NASP: variants seen among roughly 807,000 people sequenced by gnomAD.
The protein encoded by NASP is nuclear autoantigenic sperm protein, also known as NASP histone chaperone.
NASP carries 24 observed loss-of-function variants against 89.5 expected under a neutral mutation model. The observed-to-expected ratio is 0.27, with a 90% confidence interval of 0.19 to 0.38. The LOEUF (loss-of-function observed/expected upper bound fraction) is 0.38. NASP is among the 10% of genes least tolerant of loss of function. The probability of loss-of-function intolerance (pLI) is 1.00; values close to 1 mark genes in which losing one functional copy is unlikely to be tolerated. For missense variants in NASP, 848 were observed against 921.4 expected, an observed-to-expected ratio of 0.92 and a Z score of 1.03; for synonymous variants, 306 against 324.7, an observed-to-expected ratio of 0.94 and a Z score of 0.62.
intron 3 of NASP, among the ~76,000 whole-genome samples, chr1:45,603,709 A>G (rs920690444): frequency 6.8e-6 from 1 of 146,398 alleles, no homozygotes; most frequent in African/African-American, 2.5e-5. Context: ...TCCCTGGTTC[A>G]AGTGATTCTC....
Position 45,615,365 on chromosome 1 carries a change from T to C in NASP, c.1916T>C (p.Ile639Thr), listed in dbSNP as rs546656039. 3.1e-6 allele frequency: 5 copies of C among 1,614,036 alleles called. No homozygotes were observed. In the South Asian group the frequency reaches 4.4e-5, roughly 14 times the overall value. The change falls in exon 11 of 15, where the codon ATT (isoleucine) becomes ACT (threonine). Residue 639 changes from isoleucine to threonine, a missense_variant. Coordinates refer to ENST00000350030, the MANE Select transcript of NASP (RefSeq NM_002482.4). Reference protein sequence around the residue: ...EGSSAEYKKEIEELKELLPEI... With the variant: ...EGSSAEYKKETEELKELLPEI... ...TCGTCTGCTGAATACAAGAAAGAAA[T>C]TGAGGAACTAAAGGAACTGCTACCC...
In NASP at chr1:45,617,452, T is replaced by C. The variant is rs949043657; in HGVS notation, c.2158-11T>C. The C allele has an allele frequency of 6.2e-7, 1 of 1,609,920 alleles. No homozygotes were observed. Among genetic ancestry groups the C allele is most frequent in the Non-Finnish European group, 8.5e-7 (1 of 1,178,920 alleles). Reference sequence around the variant, plus strand: ...AGCACATTTGTGAAGCCTTCACAATTATATCTTTAGAGGAAACCAGAGGAA... The same window carrying C: ...AGCACATTTGTGAAGCCTTCACAATCATATCTTTAGAGGAAACCAGAGGAA... On this transcript the variant is annotated splice_polypyrimidine_tract_variant and intron_variant, in intron 13 of 14. Transcript: ENST00000350030.
chr1:45,589,513 C>T (rs993119842), intron 1 of NASP, among the ~76,000 whole-genome samples: 4 of 152,152 alleles, frequency 2.6e-5, no homozygotes, highest in Non-Finnish European at 5.9e-5. Context: ...GATTCATGCT[C>T]ATTCTAAAAA....
At chr1:45,600,383 A>G (rs1260292711) in intron 2 of NASP, 3 of 1,283,220 alleles carry the variant, frequency 2.3e-6, no homozygotes, top group Non-Finnish European at 3.1e-6. Flanking sequence ...TTCCCTCCCC[A>G]GCAACCATTA....
At chr1:45,590,753 CTG>C (rs1643527294) in intron 1 of NASP, among the ~76,000 whole-genome samples, 1 of 135,346 alleles carries the variant, frequency 7.4e-6, no homozygotes, top group Non-Finnish European at 1.5e-5. Flanking sequence ...TTAAAAAAAC[CTG>C]TGTGTTATAG....
chr1:45,585,302 C>A (rs1295509898), intron 1 of NASP, among the ~76,000 whole-genome samples: 2 of 151,998 alleles, frequency 1.3e-5, no homozygotes, highest in Non-Finnish European at 2.9e-5. Flanking sequence ...TAGTTGCCTT[C>A]CCTGTAAAAG....
intron 1 of NASP, chr1:45,588,628 A>G (rs553402623): frequency 1.1e-4 from 48 of 454,378 alleles, no homozygotes; most frequent in South Asian, 7.1e-4. Flanking sequence ...CTTTCTAAGT[A>G]TAGTTTTTTT....
At chr1:45,604,282 C>G (rs72883656) in intron 3 of NASP, among the ~76,000 whole-genome samples, 3 of 152,180 alleles carry the variant, frequency 2.0e-5, no homozygotes, top group Admixed American at 1.3e-4. Flanking sequence ...ATTATACTTA[C>G]GTAATTTTTG....
rs770635197 is a variant in NASP at position 45,608,182 on chromosome 1, A to T, written c.1271A>T (p.Glu424Val). The T allele has an allele frequency of 6.2e-7, 1 of 1,614,042 alleles. No homozygotes were observed. The change falls in exon 6 of 15, where the codon GAG (glutamate) becomes GTG (valine). Residue 424 changes from glutamate to valine, a missense_variant. Glu to Val is a moderately radical substitution (Grantham distance 121). Around this residue, in one of 5 missense-constraint regions of NASP, gnomAD observed 464 missense variants for 469.4 expected, o/e 0.99. Coordinates refer to ENST00000350030, the MANE Select transcript of NASP (RefSeq NM_002482.4). ...VRAKLVPSQE[E>V]TKLSVEESEA... ...GCAAAGCTGGTTCCTAGTCAGGAGG[A>T]GACTAAGCTGTCTGTAGAAGAGTCT... is the stretch of plus-strand genomic sequence containing the variant.
At chr1:45,616,437 G>T (rs1030825250) in intron 12 of NASP, 44 bp downstream of exon 12, 8 of 1,595,614 alleles carry the variant, frequency 5.0e-6, no homozygotes, top group Non-Finnish European at 6.9e-6. Flanking sequence ...TTAAGTCTCA[G>T]TGTTGGCTCA....
At position 45,607,676 on chromosome 1, in the gene NASP, A is replaced by G. The variant is rs376920709; in HGVS notation, c.765A>G (p.Arg255=). The change falls in exon 6 of 15, where the codon AGA becomes AGG. Residue 255 remains arginine, a synonymous_variant. Coordinates refer to ENST00000350030, the MANE Select transcript of NASP (RefSeq NM_002482.4). The stretch of plus-strand genomic sequence containing the variant: ...GAACTGATGTCCAAGAAGAGTGCAG[A>G]GAAAAAGGAGGTCAGGAGAAGCAGG... ...VSGTDVQEEC[R]EKGGQEKQGE... 9 of 1,614,100 alleles carry G rather than the reference A, an allele frequency of 5.6e-6. No homozygotes were observed. Among genetic ancestry groups the G allele is most frequent in the Non-Finnish European group, 7.6e-6 (9 of 1,180,044 alleles).
In NASP at chr1:45,606,488, G is replaced by GAAT; in HGVS notation, c.307_309dup (p.Asn103dup). The GAAT allele has an allele frequency of 6.2e-7, 1 of 1,612,758 alleles. No homozygotes were observed. Among genetic ancestry groups the GAAT allele is most frequent in the Non-Finnish European group, 8.5e-7 (1 of 1,178,768 alleles). ...CTTTCTTTTGTTCTCCTAGAATGGA[G>GAAT]AATGGTGTGTTGGGAAACGCCTTGG... is the stretch of plus-strand genomic sequence containing the variant. On this transcript the variant is annotated inframe_insertion, in exon 5 of 15. Coordinates refer to ENST00000350030, the MANE Select transcript of NASP (RefSeq NM_002482.4).
chr1:45,607,458 A>G lies in NASP; in HGVS notation c.547A>G (p.Arg183Gly), dbSNP rs757126955. 1 of 1,613,828 alleles carries G rather than the reference A, an allele frequency of 6.2e-7. No individual in the cohort carries two copies. The change falls in exon 6 of 15, where the codon AGA (arginine) becomes GGA (glycine). Residue 183 changes from arginine (R) to glycine (G), a missense_variant. Transcript: ENST00000350030. ...EQDSEMEKGG[R>G]EDMDISKSAE... is the part of the protein sequence containing the mutation. Reference sequence around the variant, plus strand: ...GGACAGTGAAATGGAGAAGGGTGGAAGAGAAGATATGGATATAAGTAAATC... The same window carrying G: ...GGACAGTGAAATGGAGAAGGGTGGAGGAGAAGATATGGATATAAGTAAATC...
rs138081553 is a variant in NASP, at chr1:45,606,539, A to T, written c.357A>T (p.Glu119Asp). The change falls in exon 5 of 15, where the codon GAA (glutamate) becomes GAT (aspartate). Residue 119 changes from glutamate to aspartate, a missense_variant. Coordinates refer to ENST00000350030, the MANE Select transcript of NASP (RefSeq NM_002482.4). The part of the protein sequence containing the change: ...ALEGVHVEEE[E>D]GEKTEDESLV... ...AAGGTGTGCATGTGGAAGAGGAAGAAGGAGAAAAAACAGAAGATGAATCTC... is the reference window on the plus strand; with the variant it reads ...AAGGTGTGCATGTGGAAGAGGAAGATGGAGAAAAAACAGAAGATGAATCTC... 1.2e-6 allele frequency: 2 copies of T among 1,613,820 alleles called. No individual in the cohort carries two copies. Among genetic ancestry groups the T allele is most frequent in the Non-Finnish European group, 8.5e-7 (1 of 1,179,812 alleles).
At chr1:45,600,572 A>G in intron 2 of NASP, 1 of 649,428 alleles carries the variant, frequency 1.5e-6, no homozygotes, top group Non-Finnish European at 2.0e-6. Flanking sequence ...ATGACATTTT[A>G]TGATGTAGAT....
intron 1 of NASP, among the ~76,000 whole-genome samples, chr1:45,584,652 A>G (rs1387626895): frequency 1.2e-5 from 1 of 82,400 alleles, no homozygotes; most frequent in Non-Finnish European, 2.3e-5. Flanking sequence ...ACCTTGCACG[A>G]GGAAGGAGGC....
intron 2 of NASP, chr1:45,600,416 T>C: frequency 1.5e-6 from 2 of 1,292,548 alleles, no homozygotes; most frequent in Non-Finnish European, 2.0e-6. Flanking sequence ...TCACTGAAGA[T>C]GGGTTGCATT....
chr1:45,615,264 GTTC>G (rs1312027617), intron 10 of NASP, 38 bp from the exon 11 acceptor site: 1 of 1,611,620 alleles, frequency 6.2e-7, no homozygotes, highest in Admixed American at 1.7e-5. Flanking sequence ...GAAGAAAACA[GTTC>G]TTTTTTGAGC....
chr1:45,597,087 T>C (rs770665212), intron 2 of NASP, among the ~76,000 whole-genome samples: 1 of 152,126 alleles, frequency 6.6e-6, no homozygotes, highest in Non-Finnish European at 1.5e-5. Context: ...AGGCAGCGGA[T>C]CACTTGAGGT....
Sources: gnomAD v4.1 joint callset for allele counts (sites outside exome capture counted in the v4.1 genomes callset) on GRCh38, gnomAD v4.1.1 for gene constraint, gnomAD v4.1.1 regional missense constraint, MANE v1.5 for transcripts, NCBI Gene and HGNC (gene_info 2026-07-23, HGNC 2026-07-21) for gene names.